Variants in SLFN12L observed in about 807,000 individuals in gnomAD.
SLFN12L encodes schlafen family member 12-like.
Under a neutral mutation model 34.8 loss-of-function variants are expected in SLFN12L, and 34 were observed. The ratio of observed to expected loss-of-function variants is 0.98; its 90% CI spans 0.74 to 1.30. The LOEUF is 1.30. SLFN12L is among the 50% of genes most tolerant of loss of function. SLFN12L has a pLI of 0.00. For missense variants in SLFN12L, 703 were observed against 696.2 expected, an observed-to-expected ratio of 1.01 and a Z score of -0.11; for synonymous variants, 259 against 247.5, an observed-to-expected ratio of 1.05 and a Z score of -0.44.
chr17:35,489,958 T>C, intron 2 of SLFN12L: 9 of 1,440,684 alleles, frequency 6.2e-6, no homozygotes, highest in South Asian at 1.1e-5. Context: ...CCAGTCATGA[T>C]TTTTAAAAAG....
At chr17:35,501,288 G>A (rs1844846737) in intron 2 of SLFN12L, among the ~76,000 whole-genome samples, 1 of 152,220 alleles carries the variant, frequency 6.6e-6, no homozygotes. Flanking sequence ...CAATATGGTG[G>A]CTGAACACCA....
chr17:35,535,558 C>T (rs550225872), intron 1 of SLFN12L, among the ~76,000 whole-genome samples: 3 of 151,604 alleles, frequency 2.0e-5, no homozygotes, highest in African/African-American at 7.3e-5. Context: ...GCAGTCATAG[C>T]TCACTGCAGC....
chr17:35,476,672 G>T (rs554877095), intron 4 of SLFN12L, among the ~76,000 whole-genome samples: 2 of 151,736 alleles, frequency 1.3e-5, no homozygotes, highest in Non-Finnish European at 2.9e-5. Flanking sequence ...CAGACTTTAA[G>T]ACCCCAGAAG....
chr17:35,533,867 G>C (rs2072433996), intron 1 of SLFN12L, among the ~76,000 whole-genome samples: 1 of 151,890 alleles, frequency 6.6e-6, no homozygotes, highest in Non-Finnish European at 1.5e-5. Flanking sequence ...GATCACCTGA[G>C]GTCAGGAGTT....
intron 2 of SLFN12L, among the ~76,000 whole-genome samples, chr17:35,519,244 G>A (rs922668263): frequency 7.9e-5 from 12 of 152,040 alleles, no homozygotes; most frequent in African/African-American, 1.4e-4. Flanking sequence ...ATGCATGCAC[G>A]GCTTAAAATC....
intron 2 of SLFN12L, among the ~76,000 whole-genome samples, chr17:35,494,809 A>C (rs905180742): frequency 5.3e-5 from 8 of 152,208 alleles, no homozygotes; most frequent in African/African-American, 1.9e-4. Context: ...AGGCAAAGGC[A>C]GAGTTGGATC....
intron 2 of SLFN12L, among the ~76,000 whole-genome samples, chr17:35,505,432 T>C (rs1915434614): frequency 6.6e-6 from 1 of 152,254 alleles, no homozygotes. Context: ...AAGAGGTGGA[T>C]AAGCTAACTC....
At chr17:35,483,489 G>A (rs1031287738) in intron 2 of SLFN12L, among the ~76,000 whole-genome samples, 1 of 152,164 alleles carries the variant, frequency 6.6e-6, no homozygotes, top group Non-Finnish European at 1.5e-5. Context: ...TCTGCAATGG[G>A]AAGAAGGTCC....
In SLFN12L at chr17:35,479,587, A is replaced by AGTTCT; in HGVS notation, c.690_694dup (p.Leu232GlnfsTer9). 1 of 1,613,054 alleles carries AGTTCT rather than the reference A, an allele frequency of 6.2e-7. No individual in the cohort carries two copies. Among genetic ancestry groups the AGTTCT allele is most frequent in the Non-Finnish European group, 8.5e-7 (1 of 1,179,684 alleles). On this transcript the variant is annotated frameshift_variant, in exon 3 of 5. Coordinates refer to ENST00000628453, the MANE Select transcript of SLFN12L (RefSeq NM_001363830.2). LOFTEE classifies it high-confidence loss of function. ...AAAGGTCAATTTTTCTTTATAACCA[A>AGTTCT]GTTCTGTTCTGTTAAAAAAATCAGC...
rs943105059 is a variant in SLFN12L at position 35,511,252 on chromosome 17, G to A, written c.86+11027C>T. Among the ~76,000 whole-genome samples, 3 of 152,102 alleles carry A rather than the reference G, an allele frequency of 2.0e-5. No homozygotes were observed. The East Asian group carries it at 5.8e-4, about 29-fold the overall frequency. On this transcript the variant is annotated intron_variant, in intron 2 of 4. Coordinates refer to ENST00000628453, the MANE Select transcript of SLFN12L (RefSeq NM_001363830.2). ...CTGCATTTCTTACAAGATTTTGTAT[G>A]ATATTTGTAGTATATACCAATTTTC...
At chr17:35,489,473 G>A (rs1914743734) in intron 2 of SLFN12L, among the ~76,000 whole-genome samples, 1 of 152,046 alleles carries the variant, frequency 6.6e-6, no homozygotes, top group Admixed American at 6.5e-5. Context: ...AGGATCACTT[G>A]AACTTGGGCT....
At chr17:35,498,218 G>T (rs1915164984) in intron 2 of SLFN12L, 1 of 481,270 alleles carries the variant, frequency 2.1e-6, no homozygotes, top group South Asian at 1.9e-5. Flanking sequence ...GTTCAGTCAT[G>T]AAATGAGTGC....
At chr17:35,498,753 C>A in intron 2 of SLFN12L, 1 of 1,217,094 alleles carries the variant, frequency 8.2e-7, no homozygotes, top group Non-Finnish European at 1.2e-6. Flanking sequence ...CCACTACCTC[C>A]AAAGTGACAG....
At chr17:35,487,421 C>G (rs546220564) in intron 2 of SLFN12L, among the ~76,000 whole-genome samples, 2 of 152,194 alleles carry the variant, frequency 1.3e-5, no homozygotes, top group African/African-American at 4.8e-5. Flanking sequence ...TCCCCGAGAT[C>G]GGTGGGGTTG....
intron 2 of SLFN12L, chr17:35,498,901 C>T (rs1007853211): frequency 2.5e-5 from 18 of 706,828 alleles, no homozygotes; most frequent in Non-Finnish European, 4.1e-5. Context: ...CCTGATATGC[C>T]CAGCCCTATT....
At chr17:35,476,578 T>C (rs1914034932) in intron 4 of SLFN12L, among the ~76,000 whole-genome samples, 1 of 151,868 alleles carries the variant, frequency 6.6e-6, no homozygotes, top group South Asian at 2.1e-4. Context: ...GAGCTGAACA[T>C]CACTTTCATC....
At chr17:35,491,999 G>C (rs1444709234) in intron 2 of SLFN12L, among the ~76,000 whole-genome samples, 1 of 152,166 alleles carries the variant, frequency 6.6e-6, no homozygotes, top group Non-Finnish European at 1.5e-5. Flanking sequence ...TGAGTTTCTA[G>C]TTGATTTGTA....
intron 2 of SLFN12L, among the ~76,000 whole-genome samples, chr17:35,510,590 C>G (rs925642338): frequency 5.3e-5 from 8 of 152,094 alleles, no homozygotes; most frequent in African/African-American, 1.7e-4. Flanking sequence ...TTGCCAGGGG[C>G]TGGACAAGGA....
rs1379911951 is a variant in SLFN12L at position 35,466,268 on chromosome 17, A to C, written c.*8655T>G. Among the ~76,000 whole-genome samples the C allele has an allele frequency of 1.3e-5, 2 of 152,146 alleles. No homozygotes were observed. The highest frequency in any genetic ancestry group is 4.8e-5 in the African/African-American group (2 of 41,416). On this transcript the variant is annotated 3_prime_UTR_variant, in exon 5 of 5. Transcript: ENST00000628453. ...TCTACTATATAGTATCAAACACAGG[A>C]TTTTCATGGCCTTAAGAATCCTCTG...
Sources: gnomAD v4.1 joint callset for allele counts (sites outside exome capture counted in the v4.1 genomes callset) on GRCh38, gnomAD v4.1.1 for gene constraint, MANE v1.5 for transcripts, NCBI Gene and HGNC (gene_info 2026-07-23, HGNC 2026-07-21) for gene names.